The following CYRIA variants were observed in gnomAD, a reference collection of about 807,000 sequenced individuals.
CYRIA encodes the protein CYFIP-related Rac1 interactor A.
CYRIA carries 15 observed loss-of-function variants against 43.9 expected under a neutral mutation model. The observed-to-expected ratio is 0.34, with a 90% CI of 0.23 to 0.53. CYRIA has a LOEUF of 0.53. Ranked by LOEUF, CYRIA falls within the 20% of genes least tolerant of loss-of-function variation. The pLI, the probability that CYRIA is intolerant of heterozygous loss-of-function variation, is 0.94. For synonymous variants in CYRIA, 117 were observed against 136.0 expected, an observed-to-expected ratio of 0.86 and a Z score of 0.97; for missense variants, 236 against 394.2, an observed-to-expected ratio of 0.60 and a Z score of 3.40.
At chr2:16,648,936 C>T (rs1401347509) in intron 1 of CYRIA, among the ~76,000 whole-genome samples, 2 of 152,014 alleles carry the variant, frequency 1.3e-5, no homozygotes, top group Admixed American at 6.5e-5. Context: ...ATGTTCACAC[C>T]GTGTTTAATA....
In CYRIA at chr2:16,551,937, G is replaced by A. The variant is rs767225282; in HGVS notation, c.*999C>T. 4 of 152,042 alleles carry A rather than the reference G, an allele frequency of 2.6e-5. No individual in the cohort carries two copies. The highest frequency in any genetic ancestry group is 5.9e-5 in the Non-Finnish European group (4 of 68,004). The allele number at this position is 152,042 out of a possible 1,614,324, so 9.4% of individuals were successfully genotyped here. On this transcript the variant is annotated 3_prime_UTR_variant, in exon 12 of 12. Transcript: ENST00000381323. ...GAAGAGCTACTTTTTAAAAACCTGG[G>A]AAATAGAAAACATGGATTTTTTTTC...
chr2:16,637,767 A>T (rs1669543503), intron 1 of CYRIA, among the ~76,000 whole-genome samples: 2 of 152,218 alleles, frequency 1.3e-5, no homozygotes, highest in African/African-American at 4.8e-5. Context: ...ATACAAAATA[A>T]TCTCTCATTA....
chr2:16,611,954 G>T (rs1213086455), intron 2 of CYRIA, among the ~76,000 whole-genome samples: 1 of 152,124 alleles, frequency 6.6e-6, no homozygotes, highest in Non-Finnish European at 1.5e-5. Flanking sequence ...GTAGTTTCCT[G>T]CCAGGCCACG....
rs1391740744 is a variant in CYRIA at position 16,575,873 on chromosome 2, T to TA, written c.71-10107dup. On this transcript the variant is annotated intron_variant, in intron 3 of 11. Transcript: ENST00000381323. ...TCCATCTCAAAAAAATAAAAATAAA[T>TA]AAATAAAATAAATAAATAAATAAAT... Among the ~76,000 whole-genome samples the TA allele has an allele frequency of 7.9e-5, 11 of 139,090 alleles. No individual in the cohort carries two copies. The South Asian group carries it at 9.2e-4, about 12-fold the overall frequency. The allele number at this position is 139,090 out of a possible 152,430, so 91.2% of individuals were successfully genotyped here.
At chr2:16,656,525 A>G (rs2103554263) in intron 1 of CYRIA, among the ~76,000 whole-genome samples, 1 of 152,292 alleles carries the variant, frequency 6.6e-6, no homozygotes, top group Non-Finnish European at 1.5e-5. Context: ...CTGGAAGTTA[A>G]GGTCACTCCT....
chr2:16,622,017 C>T (rs2880359), intron 2 of CYRIA, among the ~76,000 whole-genome samples: 112,627 of 152,094 alleles, frequency 0.74, 43,195 homozygotes, highest in East Asian at 0.99. Context: ...TGAACATCTA[C>T]TGACTGAATG....
intron 5 of CYRIA, 125 bp from the exon 6 acceptor site, chr2:16,562,266 G>A (rs1347129438): frequency 9.5e-6 from 10 of 1,051,716 alleles, no homozygotes; most frequent in African/African-American, 8.2e-5. Context: ...CGATAACTAC[G>A]TGAGGTGTGC....
chr2:16,601,850 G>C lies in CYRIA; in HGVS notation c.-10-13721C>G, dbSNP rs112867185. 7.1e-3 allele frequency among the ~76,000 whole-genome samples: 1,083 copies of C among 152,202 alleles called. 11 individuals are homozygous for C. The highest frequency in any genetic ancestry group is 0.011 in the Non-Finnish European group (749 of 68,010). ...TATAAAACCAAATGAAATCAAGCAG[G>C]GTTTATTTTAAAAAGAAGTGACTGT... On this transcript the variant is annotated intron_variant, in intron 2 of 11. Transcript: ENST00000381323.
chr2:16,604,182 A>G (rs1370358641), intron 2 of CYRIA, among the ~76,000 whole-genome samples: 8 of 152,332 alleles, frequency 5.3e-5, no homozygotes, highest in East Asian at 1.9e-4. Context: ...AGAAGAAAAC[A>G]GAGTAGAGGA....
At chr2:16,634,031 C>G (rs1258327110) in intron 1 of CYRIA, among the ~76,000 whole-genome samples, 1 of 152,078 alleles carries the variant, frequency 6.6e-6, no homozygotes, top group Admixed American at 6.5e-5. Flanking sequence ...AACGTTGGAC[C>G]ACAGACAGAA....
chr2:16,570,681 C>T (rs1319080872), intron 3 of CYRIA, among the ~76,000 whole-genome samples: 1 of 152,196 alleles, frequency 6.6e-6, no homozygotes, highest in Non-Finnish European at 1.5e-5. Context: ...AAAGCATCTG[C>T]TGAGTGAAGA....
At chr2:16,593,874 C>G (rs1315213413) in intron 2 of CYRIA, among the ~76,000 whole-genome samples, 1 of 146,962 alleles carries the variant, frequency 6.8e-6, no homozygotes, top group Non-Finnish European at 1.5e-5. Context: ...TATCCCTCCC[C>G]CCGACCCCCG....
chr2:16,619,792 G>A (rs905554874), intron 2 of CYRIA, among the ~76,000 whole-genome samples: 1 of 152,198 alleles, frequency 6.6e-6, no homozygotes, highest in African/African-American at 2.4e-5. Context: ...TGATGAGCAG[G>A]CTGGCTATTT....
At chr2:16,564,443 A>G (rs1215980397) in intron 4 of CYRIA, among the ~76,000 whole-genome samples, 1 of 152,226 alleles carries the variant, frequency 6.6e-6, no homozygotes, top group Non-Finnish European at 1.5e-5. Flanking sequence ...CAAATTCTGT[A>G]GACATTTTGT....
rs111966878 is a variant in CYRIA, at chr2:16,658,087, T to C, written c.-167+7693A>G. On this transcript the variant is annotated intron_variant, in intron 1 of 11. Transcript: ENST00000381323. ...TAAAAAATAAGAAAAAGACTTAGGA[T>C]AAGGAGATTGATCATATAGTGCATG... 6.1e-3 allele frequency among the ~76,000 whole-genome samples: 926 copies of C among 152,300 alleles called. 5 individuals are homozygous for C. The highest frequency in any genetic ancestry group is 0.01 in the Non-Finnish European group (695 of 68,022).
chr2:16,604,599 A>G (rs563424856), intron 2 of CYRIA, among the ~76,000 whole-genome samples: 13 of 152,382 alleles, frequency 8.5e-5, no homozygotes, highest in Admixed American at 3.9e-4. Context: ...AGCTTACAAT[A>G]TATCAATAGG....
At chr2:16,590,304 G>A (rs980363007) in intron 2 of CYRIA, among the ~76,000 whole-genome samples, 32 of 152,084 alleles carry the variant, frequency 2.1e-4, no homozygotes, top group African/African-American at 7.2e-4. Context: ...CTAACCTCCT[G>A]GGTCTCTAGG....
At chr2:16,621,307 T>C (rs1481889483) in intron 2 of CYRIA, among the ~76,000 whole-genome samples, 1 of 152,216 alleles carries the variant, frequency 6.6e-6, no homozygotes, top group Non-Finnish European at 1.5e-5. Flanking sequence ...ATTGACTCTA[T>C]GATGATCAAA....
At chr2:16,642,823 C>G (rs1448974559) in intron 1 of CYRIA, among the ~76,000 whole-genome samples, 1 of 152,128 alleles carries the variant, frequency 6.6e-6, no homozygotes, top group Non-Finnish European at 1.5e-5. Flanking sequence ...AGTTTTTGCT[C>G]AAATGTCATT....
Sources: allele counts gnomAD v4.1 joint callset (sites outside exome capture counted in the v4.1 genomes callset), GRCh38; gene constraint gnomAD v4.1.1; transcripts MANE v1.5; gene names NCBI Gene and HGNC (gene_info 2026-07-23, HGNC 2026-07-21).